PCDHGB2: variants seen among roughly 807,000 people sequenced by gnomAD.
The protein encoded by PCDHGB2 is protocadherin gamma-B2.
PCDHGB2 carries 55 observed loss-of-function variants against 59.3 expected under a neutral mutation model. That is an observed-to-expected ratio of 0.93 (90% CI 0.75 to 1.16). The LOEUF is 1.16. Among genes scored for constraint, PCDHGB2 ranks in the 50% most tolerant of loss-of-function variants. The pLI, the probability that PCDHGB2 is intolerant of heterozygous loss-of-function variation, is 0.00. For synonymous variants in PCDHGB2, 516 were observed against 512.0 expected, an observed-to-expected ratio of 1.01 and a Z score of -0.11; for missense variants, 1,228 against 1,198.5, an observed-to-expected ratio of 1.02 and a Z score of -0.36.
Position 141,407,403 on chromosome 5 carries a change from A to G in PCDHGB2, c.2421+44847A>G, listed in dbSNP as rs964260933. 2.0e-5 allele frequency among the ~76,000 whole-genome samples: 3 copies of G among 152,220 alleles called. No individual in the cohort carries two copies. In the East Asian group the frequency reaches 5.8e-4, roughly 29 times the overall value. Reference sequence around the variant, plus strand: ...TTGTATGTCATGGTAGGTAGTTACTATTCGATACCACAAAAATGTCTCTTG... The same window carrying G: ...TTGTATGTCATGGTAGGTAGTTACTGTTCGATACCACAAAAATGTCTCTTG... On this transcript the variant is annotated intron_variant, in intron 1 of 3. Transcript: ENST00000522605.
chr5:141,415,408 G>T, intron 1 of PCDHGB2: 1 of 1,614,224 alleles, frequency 6.2e-7, no homozygotes, highest in Non-Finnish European at 8.5e-7. Context: ...CTCGCACTTT[G>T]TGGGCGTGGA....
intron 1 of PCDHGB2, chr5:141,396,447 C>A: frequency 6.6e-6 from 1 of 152,186 alleles, no homozygotes. Flanking sequence ...GGTGAAACCC[C>A]GTCTCTACTA....
chr5:141,365,585 A>G (rs749384821), intron 1 of PCDHGB2: 2 of 1,613,578 alleles, frequency 1.2e-6, no homozygotes, highest in Non-Finnish European at 1.7e-6. Context: ...TTCAGATTAT[A>G]ATATCACTTT....
intron 1 of PCDHGB2, chr5:141,441,038 G>T (rs1263659082): frequency 1.3e-5 from 2 of 152,156 alleles, no homozygotes; most frequent in Non-Finnish European, 2.9e-5. Flanking sequence ...AAAACTTTAA[G>T]TACATTGGAC....
intron 1 of PCDHGB2, chr5:141,422,849 C>A: frequency 1.2e-6 from 2 of 1,614,238 alleles, no homozygotes; most frequent in Non-Finnish European, 8.5e-7. Context: ...AGCGGGGACC[C>A]GCCCCTCAGC....
rs747671382 is a variant in PCDHGB2 at position 141,444,152 on chromosome 5, A to ATTTTTTT, written c.2422-50625_2422-50619dup. On this transcript the variant is annotated intron_variant, in intron 1 of 3. Coordinates refer to ENST00000522605, the MANE Select transcript of PCDHGB2 (RefSeq NM_018923.3). ...GATATGTGTCACTTGTGTGTACTGG[A>ATTTTTTT]TTTTTTTTTTTTTTTTTTTTTTTTT... Among the ~76,000 whole-genome samples, 8 of 33,896 alleles carry ATTTTTTT rather than the reference A, an allele frequency of 2.4e-4. 2 individuals are homozygous for ATTTTTTT. The highest frequency in any genetic ancestry group is 2.1e-3 in the South Asian group (2 of 962). 22.2% of individuals were successfully genotyped at this position (33,896 alleles called of 152,430 possible).
rs530139788 is a variant in PCDHGB2, at chr5:141,509,165, C to A, written c.2570-1782C>A. On this transcript the variant is annotated intron_variant, in intron 3 of 3. Coordinates refer to ENST00000522605, the MANE Select transcript of PCDHGB2 (RefSeq NM_018923.3). ...TCCCGGCTCTCCCCTCCCGTGTGCC[C>A]TCCTCCTCTTATGCCGGCTTGAAAA... Among the ~76,000 whole-genome samples the A allele has an allele frequency of 1.4e-4, 21 of 152,332 alleles. No individual in the cohort carries two copies. In the South Asian group the frequency reaches 4.1e-3, roughly 30 times the overall value.
At chr5:141,374,714 G>T (rs1236113306) in intron 1 of PCDHGB2, 1 of 1,609,850 alleles carries the variant, frequency 6.2e-7, no homozygotes, top group Non-Finnish European at 8.5e-7. Flanking sequence ...TTACCGCCTG[G>T]TCCTTACTGC....
Position 141,360,150 on chromosome 5 carries a change from A to T in PCDHGB2, c.15A>T (p.Ser5=). The change falls in exon 1 of 4, where the codon TCA becomes TCT. Residue 5 remains serine (S), a synonymous_variant. Transcript: ENST00000522605. MKAS[S]GRCGLVRWLQ... ...GGAGCCAGAAGATGAAAGCGAGCTC[A>T]GGGAGGTGCGGGCTGGTGCGGTGGC... 1 of 1,602,638 alleles carries T rather than the reference A, an allele frequency of 6.2e-7. No individual in the cohort carries two copies. Among genetic ancestry groups the T allele is most frequent in the Admixed American group, 1.7e-5 (1 of 58,484 alleles).
At chr5:141,398,829 C>A in intron 1 of PCDHGB2, 2 of 1,613,994 alleles carry the variant, frequency 1.2e-6, no homozygotes, top group East Asian at 2.2e-5. Flanking sequence ...AGGTAACCGA[C>A]GCCAATGATA....
Position 141,476,373 on chromosome 5 carries a change from T to C in PCDHGB2, c.2422-18434T>C. 1 of 1,614,054 alleles carries C rather than the reference T, an allele frequency of 6.2e-7. No individual in the cohort carries two copies. Among genetic ancestry groups the C allele is most frequent in the Non-Finnish European group, 8.5e-7 (1 of 1,180,020 alleles). On this transcript the variant is annotated intron_variant, in intron 1 of 3. Transcript: ENST00000522605. This position sits in a 1 kb window ranked among gnomAD's most constrained non-coding sequence, Gnocchi z 7.6. ...GAGGTGAACCGGGAGACCGGAGAGA[T>C]GTTTGTGAACGACCGTCTGGATCGA...
chr5:141,393,453 G>T lies in PCDHGB2; in HGVS notation c.2421+30897G>T, dbSNP rs373805221. On this transcript the variant is annotated intron_variant, in intron 1 of 3. Transcript: ENST00000522605. ...GGCTGCTCACCACCTGGTCCTCACG[G>T]CCTCGGATGGCGGCAAGCCGCCTCG... 6.6e-5 allele frequency: 107 copies of T among 1,614,038 alleles called. 2 individuals carry two copies. In the South Asian group the frequency reaches 1.0e-3, roughly 15 times the overall value.
chr5:141,472,556 T>A (rs2099287889), intron 1 of PCDHGB2, among the ~76,000 whole-genome samples: 1 of 151,628 alleles, frequency 6.6e-6, no homozygotes, highest in South Asian at 2.1e-4. Flanking sequence ...AAAAAAATTA[T>A]ATTATAAATG....
Position 141,476,008 on chromosome 5 carries a change from G to T in PCDHGB2, c.2422-18799G>T. 1 of 1,282,144 alleles carries T rather than the reference G, an allele frequency of 7.8e-7. No homozygotes were observed. Among genetic ancestry groups the T allele is most frequent in the Non-Finnish European group, 1.1e-6 (1 of 935,996 alleles). 79.4% of individuals were successfully genotyped at this position (1,282,144 alleles called of 1,614,324 possible). On this transcript the variant is annotated intron_variant, in intron 1 of 3. Coordinates refer to ENST00000522605, the MANE Select transcript of PCDHGB2 (RefSeq NM_018923.3). This position sits in a 1 kb window ranked among gnomAD's most constrained non-coding sequence, Gnocchi z 7.6. ...CGAGCAAATCAACGGCATCCAGAAA[G>T]CCATGTCGGACTCGGCGCCCAGCGC... is the stretch of plus-strand genomic sequence containing the variant.
chr5:141,414,533 C>T, intron 1 of PCDHGB2: 1 of 1,613,960 alleles, frequency 6.2e-7, no homozygotes, highest in Non-Finnish European at 8.5e-7. Flanking sequence ...AATGACAACC[C>T]ACCTACCTTC....
intron 1 of PCDHGB2, chr5:141,421,806 A>C (rs1027166084): frequency 4.3e-6 from 7 of 1,613,724 alleles, no homozygotes; most frequent in Non-Finnish European, 5.1e-6. Flanking sequence ...CCAAGAATCC[A>C]GAGCTAGTAC....
intron 1 of PCDHGB2, among the ~76,000 whole-genome samples, chr5:141,386,998 C>G (rs140459920): frequency 6.6e-6 from 1 of 152,058 alleles, no homozygotes; most frequent in African/African-American, 2.4e-5. Flanking sequence ...TGTATTATCC[C>G]CCTGATAACT....
chr5:141,409,882 G>A, intron 1 of PCDHGB2: 1 of 1,613,006 alleles, frequency 6.2e-7, no homozygotes, highest in Non-Finnish European at 8.5e-7. Context: ...ACAACGCACC[G>A]CGGGTGCTGT....
chr5:141,376,111 C>A, intron 1 of PCDHGB2: 1 of 1,613,822 alleles, frequency 6.2e-7, no homozygotes, highest in Non-Finnish European at 8.5e-7. Flanking sequence ...CCGACCTGGG[C>A]AGCCTCGAGC....
Sources: gnomAD v4.1 joint callset for allele counts (sites outside exome capture counted in the v4.1 genomes callset) on GRCh38, gnomAD v4.1.1 for gene constraint, Gnocchi (gnomAD v3.1) non-coding constraint, MANE v1.5 for transcripts, NCBI Gene and HGNC (gene_info 2026-07-23, HGNC 2026-07-21) for gene names.